The following PBX1 variants were observed in gnomAD, a reference collection of about 807,000 sequenced individuals.
PBX1 encodes the protein pre-B-cell leukemia transcription factor 1.
A neutral mutation model predicts 53.4 loss-of-function variants in PBX1; 6 were observed. The ratio of observed to expected loss-of-function variants is 0.11; its 90% confidence interval spans 0.06 to 0.22. The LOEUF (loss-of-function observed/expected upper bound fraction) is 0.22, where lower values mean the gene tolerates loss of function less well. Ranked by LOEUF, PBX1 falls within the 10% of genes least tolerant of loss-of-function variation. The pLI, the probability that PBX1 is intolerant of heterozygous loss-of-function variation, is 1.00. For missense variants in PBX1, 251 were observed against 551.4 expected (o/e 0.46, Z 5.46); for synonymous variants, 204 against 212.3 (o/e 0.96, Z 0.34).
downstream of PBX1, among the ~76,000 whole-genome samples, chr1:164,855,322 A>T (rs963873349): frequency 6.6e-6 from 1 of 152,206 alleles, no homozygotes; most frequent in African/African-American, 2.4e-5. Flanking sequence ...TGCTGTGTTC[A>T]TTCCCAGCCA....
chr1:164,679,238 A>T (rs1217264532), intron 2 of PBX1, among the ~76,000 whole-genome samples: 2 of 152,186 alleles, frequency 1.3e-5, no homozygotes, highest in African/African-American at 4.8e-5. Context: ...CCAGGCAGGA[A>T]ATGATGGTAG....
At chr1:164,775,230 G>A (rs568663354) in intron 2 of PBX1, among the ~76,000 whole-genome samples, 1 of 152,262 alleles carries the variant, frequency 6.6e-6, no homozygotes, top group African/African-American at 2.4e-5. Flanking sequence ...TTAAGAGTCT[G>A]AGACTTTTGC....
At chr1:164,659,240 C>A (rs1266494799) in intron 2 of PBX1, among the ~76,000 whole-genome samples, 6 of 152,170 alleles carry the variant, frequency 3.9e-5, no homozygotes. Context: ...AGATATACAT[C>A]GATTCACATC....
chr1:164,773,326 A>G (rs571214131), intron 2 of PBX1, among the ~76,000 whole-genome samples: 1 of 151,672 alleles, frequency 6.6e-6, no homozygotes, highest in South Asian at 2.1e-4. Flanking sequence ...TCGTAACCTG[A>G]TAGACTGAAT....
At chr1:164,611,261 G>A (rs775791599) in intron 2 of PBX1, among the ~76,000 whole-genome samples, 23 of 151,900 alleles carry the variant, frequency 1.5e-4, no homozygotes, top group African/African-American at 4.1e-4. Context: ...TTTTTGAGAC[G>A]GAGTCTTACT....
chr1:164,617,342 GA>G (rs1376499613), intron 2 of PBX1, among the ~76,000 whole-genome samples: 1 of 152,184 alleles, frequency 6.6e-6, no homozygotes, highest in African/African-American at 2.4e-5. Flanking sequence ...GGAGATTGTG[GA>G]TAAAATGGCA....
At chr1:164,791,197 G>A (rs1668488886) in intron 2 of PBX1, among the ~76,000 whole-genome samples, 2 of 152,162 alleles carry the variant, frequency 1.3e-5, no homozygotes, top group Non-Finnish European at 2.9e-5. Context: ...TTAGATGAGT[G>A]ATTTATTTTA....
intron 2 of PBX1, among the ~76,000 whole-genome samples, chr1:164,601,399 GA>G (rs1227405451): frequency 6.6e-6 from 1 of 152,070 alleles, no homozygotes; most frequent in Non-Finnish European, 1.5e-5. Flanking sequence ...AGTTCTTTCT[GA>G]GGCATCCGAC....
chr1:164,789,543 A>C (rs773679144), intron 2 of PBX1, among the ~76,000 whole-genome samples: 2 of 152,170 alleles, frequency 1.3e-5, no homozygotes, highest in Non-Finnish European at 2.9e-5. Context: ...CGCTTGGGGT[A>C]CCCATGTGAT....
chr1:164,650,736 GTGGATGTAGCTCATGCTGCTC>G (rs1186949259), intron 2 of PBX1, among the ~76,000 whole-genome samples: 3 of 152,054 alleles, frequency 2.0e-5, no homozygotes, highest in Non-Finnish European at 4.4e-5. Flanking sequence ...TTTGCACAGT[GTGGATGTAGCTCATGCTGCTC>G]TGCCGTCTAG....
At chr1:164,725,845 A>G (rs1322444314) in intron 2 of PBX1, among the ~76,000 whole-genome samples, 2 of 152,194 alleles carry the variant, frequency 1.3e-5, no homozygotes, top group Non-Finnish European at 2.9e-5. Flanking sequence ...TGGATAAATA[A>G]GTGACTTGCC....
In PBX1 at chr1:164,559,340, G is replaced by A. The variant is rs560699937; in HGVS notation, c.-483G>A. On this transcript the variant is annotated 5_prime_UTR_variant, in exon 1 of 9. Transcript: ENST00000420696. ...CTCTGGCCCGGAGTGGGGGTGGGGG[G>A]CAGCGGGGGGTGGGGGGGGAAAGTT... The A allele has an allele frequency of 1.4e-4, 25 of 175,556 alleles. No individual in the cohort carries two copies. In the East Asian group the frequency reaches 2.2e-3, roughly 16 times the overall value. 10.9% of individuals were successfully genotyped at this position (175,556 alleles called of 1,614,324 possible).
intron 8 of PBX1, among the ~76,000 whole-genome samples, chr1:164,835,173 T>C (rs2102399237): frequency 6.6e-6 from 1 of 152,112 alleles, no homozygotes; most frequent in South Asian, 2.1e-4. Flanking sequence ...GAAACTGTTA[T>C]AGGGAAAGTC....
intron 2 of PBX1, among the ~76,000 whole-genome samples, chr1:164,645,687 C>T (rs545506702): frequency 5.3e-5 from 8 of 152,274 alleles, no homozygotes; most frequent in African/African-American, 9.6e-5. Context: ...CTTGCCAACA[C>T]GTACACACAG....
chr1:164,588,667 C>T (rs1020498026), intron 2 of PBX1, among the ~76,000 whole-genome samples: 1 of 151,512 alleles, frequency 6.6e-6, no homozygotes, highest in African/African-American at 2.4e-5. Flanking sequence ...TAGGAATTCC[C>T]TTTGGTTTAG....
chr1:164,603,028 A>G (rs1162087106), intron 2 of PBX1, among the ~76,000 whole-genome samples: 1 of 151,878 alleles, frequency 6.6e-6, no homozygotes, highest in African/African-American at 2.4e-5. Flanking sequence ...TTTCTTCTGC[A>G]GCTATTTTTT....
intron 2 of PBX1, among the ~76,000 whole-genome samples, chr1:164,712,837 G>T (rs1004149407): frequency 6.6e-6 from 1 of 152,210 alleles, no homozygotes. Flanking sequence ...AGGCATAGGT[G>T]TGCGGTTCTG....
chr1:164,662,632 T>C (rs567094446), intron 2 of PBX1, among the ~76,000 whole-genome samples: 2 of 152,160 alleles, frequency 1.3e-5, no homozygotes, highest in East Asian at 3.9e-4. Flanking sequence ...GATTCAGGAG[T>C]GTGAGCTTTG....
At chr1:164,607,912 ATAT>A (rs1167688895) in intron 2 of PBX1, among the ~76,000 whole-genome samples, 1 of 152,154 alleles carries the variant, frequency 6.6e-6, no homozygotes, top group Non-Finnish European at 1.5e-5. Flanking sequence ...ATCTTAACAT[ATAT>A]TATGTTAACT....
Sources: allele counts gnomAD v4.1 joint callset (sites outside exome capture counted in the v4.1 genomes callset), GRCh38; gene constraint gnomAD v4.1.1; transcripts MANE v1.5; gene names NCBI Gene and HGNC (gene_info 2026-07-23, HGNC 2026-07-21).